Variants in BICDL1 observed in about 807,000 individuals in gnomAD.
The protein encoded by BICDL1 is BICD family-like cargo adapter 1.
In BICDL1, 20 loss-of-function variants were observed where a neutral mutation model predicts 76.8. That is an observed-to-expected ratio of 0.26 (90% CI 0.18 to 0.38). The LOEUF is 0.38. Among genes scored for constraint, BICDL1 ranks in the 10% least tolerant of loss-of-function variants. BICDL1 has a pLI of 1.00. For missense variants in BICDL1, 700 were observed against 798.6 expected (o/e 0.88, Z 1.49); for synonymous variants, 383 against 337.1 (o/e 1.14, Z -1.49).
At chr12:120,082,240 A>T (rs923081703) in intron 8 of BICDL1, among the ~76,000 whole-genome samples, 2 of 151,588 alleles carry the variant, frequency 1.3e-5, no homozygotes, top group African/African-American at 4.9e-5. Context: ...TCTGTCCCTT[A>T]TATTTCCAAT....
At chr12:120,002,630 T>C (rs781061265) in intron 2 of BICDL1, among the ~76,000 whole-genome samples, 2 of 152,232 alleles carry the variant, frequency 1.3e-5, no homozygotes, top group African/African-American at 4.8e-5. Flanking sequence ...GAGTAAAATA[T>C]GAAAGCCTTT....
chr12:120,091,420 C>G, intron 9 of BICDL1: 3 of 1,011,430 alleles, frequency 3.0e-6, no homozygotes, highest in Non-Finnish European at 3.6e-6. Context: ...TTGAAAGACC[C>G]TTTAGCATTC....
At chr12:120,010,992 T>G (rs916838457) in intron 2 of BICDL1, among the ~76,000 whole-genome samples, 1 of 152,210 alleles carries the variant, frequency 6.6e-6, no homozygotes, top group Non-Finnish European at 1.5e-5. Flanking sequence ...TACAGTTTTA[T>G]TCGTTAATAC....
In BICDL1 at chr12:120,093,190, G is replaced by A; in HGVS notation, c.*29G>A. ...GGGAGGAGTCAGGCCACCAAAGATG[G>A]GTGGACTGGAGGCAGCTGGAAAGGC... is the stretch of plus-strand genomic sequence containing the variant. On this transcript the variant is annotated 3_prime_UTR_variant, in exon 10 of 10. Transcript: ENST00000548673. The A allele has an allele frequency of 1.3e-6, 2 of 1,561,804 alleles. No individual in the cohort carries two copies. Among genetic ancestry groups the A allele is most frequent in the Non-Finnish European group, 1.7e-6 (2 of 1,152,402 alleles).
intron 7 of BICDL1, among the ~76,000 whole-genome samples, chr12:120,077,311 C>A (rs570110642): frequency 4.7e-4 from 71 of 152,308 alleles, no homozygotes; most frequent in African/African-American, 1.7e-3. Context: ...GGAACAAAGT[C>A]CTTCCTGTGG....
intron 2 of BICDL1, among the ~76,000 whole-genome samples, chr12:120,022,234 C>T (rs1239520231): frequency 6.7e-6 from 1 of 149,838 alleles, no homozygotes; most frequent in Non-Finnish European, 1.5e-5. Context: ...TTCAGCTTCA[C>T]AGAAAAGCAG....
chr12:120,058,594 T>C (rs888838778), intron 2 of BICDL1, among the ~76,000 whole-genome samples: 13 of 150,316 alleles, frequency 8.6e-5, no homozygotes, highest in Non-Finnish European at 1.5e-4. Flanking sequence ...TTTTTTCTTT[T>C]TTTTTTTTTT....
intron 2 of BICDL1, among the ~76,000 whole-genome samples, chr12:120,008,247 C>T (rs954835383): frequency 1.4e-5 from 2 of 146,702 alleles, no homozygotes; most frequent in African/African-American, 5.0e-5. Context: ...TAGCCTTGAC[C>T]TCCTGGGATC....
chr12:120,075,874 C>T (rs1361766686), intron 7 of BICDL1, among the ~76,000 whole-genome samples: 1 of 152,194 alleles, frequency 6.6e-6, no homozygotes, highest in East Asian at 1.9e-4. Flanking sequence ...CAATCTGTGG[C>T]TTGGCCAGGC....
intron 2 of BICDL1, among the ~76,000 whole-genome samples, chr12:120,017,342 C>T (rs1426601067): frequency 1.3e-5 from 2 of 152,270 alleles, no homozygotes; most frequent in Non-Finnish European, 1.5e-5. Context: ...AACTCGGTGT[C>T]CCCAAAGGAT....
chr12:120,044,175 G>A (rs1362281172), intron 2 of BICDL1, among the ~76,000 whole-genome samples: 1 of 152,186 alleles, frequency 6.6e-6, no homozygotes, highest in Non-Finnish European at 1.5e-5. Context: ...GTGGTGGGAA[G>A]AAAGTGACCA....
intron 2 of BICDL1, among the ~76,000 whole-genome samples, chr12:120,060,707 T>C (rs774397392): frequency 1.3e-5 from 2 of 152,222 alleles, no homozygotes; most frequent in Non-Finnish European, 2.9e-5. Context: ...TTGTTGAATA[T>C]GTGGAACCAA....
At chr12:120,019,896 T>C (rs1291738280) in intron 2 of BICDL1, among the ~76,000 whole-genome samples, 5 of 152,202 alleles carry the variant, frequency 3.3e-5, no homozygotes, top group Non-Finnish European at 5.9e-5. Flanking sequence ...GCAAGTATGA[T>C]GTAAGCAAGG....
chr12:120,055,444 A>G (rs1290926171), intron 2 of BICDL1, among the ~76,000 whole-genome samples: 1 of 152,198 alleles, frequency 6.6e-6, no homozygotes, highest in African/African-American at 2.4e-5. Flanking sequence ...AGCTTTGTTC[A>G]GTGGGGAGGA....
intron 2 of BICDL1, among the ~76,000 whole-genome samples, chr12:120,040,804 A>G (rs200240530): frequency 2.8e-5 from 4 of 145,096 alleles, no homozygotes; most frequent in South Asian, 2.1e-4. Flanking sequence ...CTGGAGTGCA[A>G]TGGCATGATC....
At chr12:120,002,495 A>T (rs754781352) in intron 2 of BICDL1, among the ~76,000 whole-genome samples, 1 of 152,208 alleles carries the variant, frequency 6.6e-6, no homozygotes, top group Non-Finnish European at 1.5e-5. Context: ...GCCTTTGGCC[A>T]TATGACTAAG....
At position 120,093,893 on chromosome 12, in the gene BICDL1, G is replaced by C; in HGVS notation, c.*732G>C. 1 of 253,522 alleles carries C rather than the reference G, an allele frequency of 3.9e-6. No homozygotes were observed. The highest frequency in any genetic ancestry group is 8.0e-6 in the Non-Finnish European group (1 of 124,868). The allele number at this position is 253,522 out of a possible 1,614,324, so 15.7% of individuals were successfully genotyped here. ...GGCAGAGTGTTATCACCAGTCATCT[G>C]CAGGCTTTAGCCATCCAGCCCTTTC... On this transcript the variant is annotated 3_prime_UTR_variant, in exon 10 of 10. Transcript: ENST00000548673.
Position 120,092,996 on chromosome 12 carries a change from G to A in BICDL1, c.1705-4G>A, listed in dbSNP as rs1875112494. 1.3e-6 allele frequency: 2 copies of A among 1,552,308 alleles called. No homozygotes were observed. The highest frequency in any genetic ancestry group is 8.7e-7 in the Non-Finnish European group (1 of 1,147,242). ...TCCTGGCCACTGTCCCCTCCCCTCT[G>A]CAGGATGACATGCACAGGGTCATTG... On this transcript the variant is annotated splice_region_variant and splice_polypyrimidine_tract_variant and intron_variant, in intron 9 of 9. Transcript: ENST00000548673.
At position 120,071,567 on chromosome 12, in the gene BICDL1, T is replaced by C; in HGVS notation, c.910-55T>C. On this transcript the variant is annotated intron_variant, in intron 4 of 9. Coordinates refer to ENST00000548673, the MANE Select transcript of BICDL1 (RefSeq NM_001367886.1). This position sits in a 1 kb window ranked among gnomAD's most constrained non-coding sequence, Gnocchi z 4.8. The stretch of plus-strand genomic sequence containing the variant: ...GAAGCATGATCAGGTTGAGGGTCAG[T>C]TTGTCTTGGTTTTTGTGTTTGGTAA... 2.0e-6 allele frequency: 3 copies of C among 1,537,034 alleles called. No individual in the cohort carries two copies. Among genetic ancestry groups the C allele is most frequent in the Admixed American group, 2.0e-5 (1 of 50,232 alleles).
Sources: gnomAD v4.1 joint callset for allele counts (sites outside exome capture counted in the v4.1 genomes callset) on GRCh38, gnomAD v4.1.1 for gene constraint, Gnocchi (gnomAD v3.1) non-coding constraint, MANE v1.5 for transcripts, NCBI Gene and HGNC (gene_info 2026-07-23, HGNC 2026-07-21) for gene names.